Variants in CAMTA1 observed in about 807,000 individuals in gnomAD.
The protein encoded by CAMTA1 is calmodulin binding transcription activator 1.
A neutral mutation model predicts 170.9 loss-of-function variants in CAMTA1; 27 were observed. The observed-to-expected ratio is 0.16, with a 90% CI of 0.12 to 0.22. The LOEUF (loss-of-function observed/expected upper bound fraction) is 0.22, where lower values mean the gene tolerates loss of function less well. CAMTA1 is among the 10% of genes least tolerant of loss of function. The pLI, the probability that CAMTA1 is intolerant of heterozygous loss-of-function variation, is 1.00. For missense variants in CAMTA1, 1,619 were observed against 2,217.2 expected, an observed-to-expected ratio of 0.73 and a Z score of 5.42; for synonymous variants, 833 against 891.5, an observed-to-expected ratio of 0.93 and a Z score of 1.17.
intron 4 of CAMTA1, among the ~76,000 whole-genome samples, chr1:7,222,476 A>C (rs952871404): frequency 6.6e-6 from 1 of 152,150 alleles, no homozygotes. Flanking sequence ...ATTATTTAGG[A>C]ACGTGTCCTT....
chr1:7,641,618 A>T lies in CAMTA1; in HGVS notation c.664+1065A>T, dbSNP rs779456436. Among the ~76,000 whole-genome samples, 9 of 152,032 alleles carry T rather than the reference A, an allele frequency of 5.9e-5. No homozygotes were observed. The highest frequency in any genetic ancestry group is 1.2e-4 in the Non-Finnish European group (8 of 67,982). On this transcript the variant is annotated intron_variant, in intron 7 of 22. Coordinates refer to ENST00000303635, the MANE Select transcript of CAMTA1 (RefSeq NM_015215.4). The surrounding 1 kb of genome is among the most constrained non-coding windows in gnomAD (Gnocchi z 4.5). ...GCTCCCAGCCTCAAGGTTGGGGATG[A>T]GGGTCAGGAGGGACAGAGGGGTCTG...
At position 7,137,373 on chromosome 1, in the gene CAMTA1, A is replaced by G. The variant is rs1645604818; in HGVS notation, c.302+46002A>G. ...CCCCCACCAGCTCCTGTTCTACTCA[A>G]AGTCTAGAAGACCCTGCTGGGTCTG... On this transcript the variant is annotated intron_variant, in intron 4 of 22. Coordinates refer to ENST00000303635, the MANE Select transcript of CAMTA1 (RefSeq NM_015215.4). 2.0e-5 allele frequency among the ~76,000 whole-genome samples: 3 copies of G among 152,148 alleles called. No individual in the cohort carries two copies. In the South Asian group the frequency reaches 6.2e-4, roughly 32 times the overall value.
At position 7,435,947 on chromosome 1, in the gene CAMTA1, A is replaced by G. The variant is rs1368144734; in HGVS notation, c.439-31883A>G. 6.6e-6 allele frequency among the ~76,000 whole-genome samples: 1 copy of G among 152,170 alleles called. No individual in the cohort carries two copies. The highest frequency in any genetic ancestry group is 1.5e-5 in the Non-Finnish European group (1 of 68,008). Reference sequence around the variant, plus strand: ...TAGGTACAAGAGGCACCTCAGGAGCAGAGGAGGGAGCTGGGAAGCTCCCCA... The same window carrying G: ...TAGGTACAAGAGGCACCTCAGGAGCGGAGGAGGGAGCTGGGAAGCTCCCCA... On this transcript the variant is annotated intron_variant, in intron 5 of 22. Coordinates refer to ENST00000303635, the MANE Select transcript of CAMTA1 (RefSeq NM_015215.4). The surrounding 1 kb of genome is among the most constrained non-coding windows in gnomAD (Gnocchi z 4.4).
intron 7 of CAMTA1, among the ~76,000 whole-genome samples, chr1:7,653,335 C>T (rs776869774): frequency 3.4e-4 from 52 of 152,200 alleles, no homozygotes; most frequent in Non-Finnish European, 6.5e-4. Flanking sequence ...GATCACAGCT[C>T]ACTGTAGCCT....
At chr1:6,830,797 G>A (rs937960910) in intron 3 of CAMTA1, among the ~76,000 whole-genome samples, 2 of 151,848 alleles carry the variant, frequency 1.3e-5, no homozygotes, top group African/African-American at 4.8e-5. Flanking sequence ...AGTAGCTTGA[G>A]AGAGTATTTT....
At chr1:7,054,112 G>T (rs377136987) in intron 3 of CAMTA1, among the ~76,000 whole-genome samples, 11 of 152,188 alleles carry the variant, frequency 7.2e-5, no homozygotes, top group African/African-American at 2.7e-4. Context: ...CTGGAACTTG[G>T]GTTGCACAAA....
At position 7,445,626 on chromosome 1, in the gene CAMTA1, G is replaced by A. The variant is rs184845768; in HGVS notation, c.439-22204G>A. Among the ~76,000 whole-genome samples the A allele has an allele frequency of 6.5e-3, 994 of 152,314 alleles. 11 individuals carry two copies. Among genetic ancestry groups the A allele is most frequent in the Non-Finnish European group, 7.1e-3 (485 of 68,030 alleles). ...CCTGGGCCCAAGGCCACCTGACGCC[G>A]GAGGAGCCAGAGAGAAGAGGGGACA... On this transcript the variant is annotated intron_variant, in intron 5 of 22. Transcript: ENST00000303635.
intron 3 of CAMTA1, among the ~76,000 whole-genome samples, chr1:6,993,915 T>A (rs1210758864): frequency 6.6e-6 from 1 of 152,180 alleles, no homozygotes; most frequent in Non-Finnish European, 1.5e-5. Flanking sequence ...CTCACTTGTT[T>A]TTAATTGCTC....
intron 3 of CAMTA1, among the ~76,000 whole-genome samples, chr1:7,022,858 A>G (rs1349925167): frequency 1.3e-5 from 2 of 152,190 alleles, no homozygotes; most frequent in African/African-American, 4.8e-5. Flanking sequence ...ATTAGTTATA[A>G]TAGCAACAAA....
chr1:7,730,302 C>T (rs767927861), intron 11 of CAMTA1, among the ~76,000 whole-genome samples: 10 of 152,182 alleles, frequency 6.6e-5, no homozygotes, highest in Non-Finnish European at 1.2e-4. Context: ...TCGTCTCCTG[C>T]GTCTCCTGCT....
chr1:7,749,273 G>A (rs546988135), intron 19 of CAMTA1, among the ~76,000 whole-genome samples: 11 of 152,096 alleles, frequency 7.2e-5, no homozygotes, highest in African/African-American at 2.2e-4. Flanking sequence ...ATGGGTTGCC[G>A]TTTCCTCAAG....
At chr1:7,367,759 T>C (rs113549999) in intron 5 of CAMTA1, among the ~76,000 whole-genome samples, 3,273 of 152,356 alleles carry the variant, frequency 0.021, 115 homozygotes, top group African/African-American at 0.074. Flanking sequence ...CACTGGGCAC[T>C]GATGGTTTTA....
At chr1:6,898,019 C>T (rs1676035808) in intron 3 of CAMTA1, among the ~76,000 whole-genome samples, 1 of 152,126 alleles carries the variant, frequency 6.6e-6, no homozygotes, top group African/African-American at 2.4e-5. Flanking sequence ...TCTGAAAAAC[C>T]CTACGAATCC....
At position 6,814,415 on chromosome 1, in the gene CAMTA1, C is replaced by T. The variant is rs113087748; in HGVS notation, c.46-5766C>T. ...AAGTGTGCCACTTCCAGACTTGGCC[C>T]CTGAAACTCTTGAGGCATGGGTATC... On this transcript the variant is annotated intron_variant, in intron 1 of 22. Coordinates refer to ENST00000303635, the MANE Select transcript of CAMTA1 (RefSeq NM_015215.4). 4.2e-4 allele frequency among the ~76,000 whole-genome samples: 64 copies of T among 152,170 alleles called. 1 individual carries two copies. Among genetic ancestry groups the T allele is most frequent in the African/African-American group, 1.5e-3 (61 of 41,510 alleles).
At chr1:7,026,270 G>C (rs981204290) in intron 3 of CAMTA1, among the ~76,000 whole-genome samples, 1 of 152,232 alleles carries the variant, frequency 6.6e-6, no homozygotes, top group African/African-American at 2.4e-5. Context: ...GCAGCAGTGA[G>C]GCCTGCGGAG....
chr1:7,006,266 G>T lies in CAMTA1; in HGVS notation c.235-85038G>T, dbSNP rs138967557. Among the ~76,000 whole-genome samples the T allele has an allele frequency of 2.4e-3, 363 of 152,280 alleles. 6 individuals carry two copies. Among genetic ancestry groups the T allele is most frequent in the African/African-American group, 7.9e-3 (329 of 41,550 alleles). On this transcript the variant is annotated intron_variant, in intron 3 of 22. Transcript: ENST00000303635. ...GATGGTAAGATCTGGTAGGCAGAGAGATTTTTAAGAATAGAGTTTACTTTT... is the reference window on the plus strand; with the variant it reads ...GATGGTAAGATCTGGTAGGCAGAGATATTTTTAAGAATAGAGTTTACTTTT...
In CAMTA1 at chr1:6,803,652, A is replaced by G. The variant is rs934930039; in HGVS notation, c.46-16529A>G. Among the ~76,000 whole-genome samples the G allele has an allele frequency of 4.6e-5, 7 of 152,238 alleles. No homozygotes were observed. The East Asian group carries it at 1.3e-3, about 29-fold the overall frequency. On this transcript the variant is annotated intron_variant, in intron 1 of 22. Transcript: ENST00000303635. ...TCTGCTAAACAAAAGAGGAAAGTGT[A>G]TGTTTTTAAAGAAACAACCTTCACA...
At chr1:7,187,295 T>C (rs79667781) in intron 4 of CAMTA1, among the ~76,000 whole-genome samples, 5,464 of 152,256 alleles carry the variant, frequency 0.036, 342 homozygotes, top group African/African-American at 0.12. Flanking sequence ...ATGAAGACAG[T>C]GGTGGTGTCT....
chr1:7,125,146 A>G (rs1644860140), intron 4 of CAMTA1, among the ~76,000 whole-genome samples: 1 of 152,132 alleles, frequency 6.6e-6, no homozygotes, highest in Admixed American at 6.5e-5. Flanking sequence ...ACACCGTGTT[A>G]AGATGGAGGA....
Sources: allele counts gnomAD v4.1 joint callset (sites outside exome capture counted in the v4.1 genomes callset), GRCh38; gene constraint gnomAD v4.1.1; non-coding constraint Gnocchi (gnomAD v3.1); transcripts MANE v1.5; gene names NCBI Gene and HGNC (gene_info 2026-07-23, HGNC 2026-07-21).